Variants in GRIK2 observed in about 807,000 individuals in gnomAD.
GRIK2 encodes glutamate receptor ionotropic, kainate 2.
GRIK2 carries 32 observed loss-of-function variants against 100.3 expected under a neutral mutation model. The ratio of observed to expected loss-of-function variants is 0.32; its 90% CI spans 0.24 to 0.43. GRIK2 has a LOEUF of 0.43. Ranked by LOEUF, GRIK2 falls within the 20% of genes least tolerant of loss-of-function variation. GRIK2 has a pLI of 1.00. For synonymous variants in GRIK2, 417 were observed against 389.4 expected (o/e 1.07, Z -0.83); for missense variants, 843 against 1,114.9 (o/e 0.76, Z 3.47).
chr6:102,061,239 T>C (rs531594748), intron 16 of GRIK2, among the ~76,000 whole-genome samples: 1 of 150,700 alleles, frequency 6.6e-6, no homozygotes, highest in South Asian at 2.1e-4. Flanking sequence ...AATAGCTTAA[T>C]AGATAATTTT....
intron 16 of GRIK2, among the ~76,000 whole-genome samples, chr6:102,057,045 G>T (rs1181660019): frequency 1.3e-5 from 2 of 152,010 alleles, no homozygotes; most frequent in East Asian, 1.9e-4. Context: ...GTGTCAAAAT[G>T]AACTTTGAAA....
intron 14 of GRIK2, among the ~76,000 whole-genome samples, chr6:102,014,785 G>A (rs955344006): frequency 5.9e-5 from 9 of 152,070 alleles, no homozygotes. Context: ...TTATTGTGCT[G>A]TGGTCCCTGA....
chr6:102,060,129 GT>G (rs1456683484), intron 16 of GRIK2, among the ~76,000 whole-genome samples: 1 of 150,550 alleles, frequency 6.6e-6, no homozygotes, highest in Non-Finnish European at 1.5e-5. Flanking sequence ...TGGTATTGTT[GT>G]TTTTTTAGGA....
At chr6:101,641,147 A>T (rs150953820) in intron 4 of GRIK2, among the ~76,000 whole-genome samples, 64 of 152,230 alleles carry the variant, frequency 4.2e-4, no homozygotes, top group African/African-American at 1.5e-3. Context: ...ATAAATTGAG[A>T]TTTAAAACAA....
chr6:101,417,562 A>G (rs1403872643), intron 2 of GRIK2, among the ~76,000 whole-genome samples: 3 of 152,076 alleles, frequency 2.0e-5, no homozygotes, highest in Non-Finnish European at 4.4e-5. Flanking sequence ...TGCATTTTCT[A>G]CTTTGCCTGC....
chr6:101,773,386 A>G (rs887259513), intron 7 of GRIK2, among the ~76,000 whole-genome samples: 1 of 151,466 alleles, frequency 6.6e-6, no homozygotes, highest in Non-Finnish European at 1.5e-5. Context: ...AGGCTCAGGC[A>G]GGAGAATCGC....
intron 2 of GRIK2, among the ~76,000 whole-genome samples, chr6:101,429,426 A>T (rs1316017688): frequency 6.6e-6 from 1 of 152,198 alleles, no homozygotes; most frequent in Non-Finnish European, 1.5e-5. Flanking sequence ...CAGCAGGGTA[A>T]TTCACAGCTG....
At chr6:101,749,620 T>G (rs1776654129) in intron 7 of GRIK2, among the ~76,000 whole-genome samples, 1 of 151,994 alleles carries the variant, frequency 6.6e-6, no homozygotes, top group Admixed American at 6.5e-5. Flanking sequence ...TTTCATAAAT[T>G]TATGCATTTT....
At chr6:101,438,410 C>A (rs1345534855) in intron 2 of GRIK2, among the ~76,000 whole-genome samples, 8 of 151,998 alleles carry the variant, frequency 5.3e-5, no homozygotes, top group African/African-American at 1.9e-4. Flanking sequence ...TGCTTTAATT[C>A]TTTAGATGAA....
intron 2 of GRIK2, among the ~76,000 whole-genome samples, chr6:101,501,431 T>C (rs1300854655): frequency 6.6e-6 from 1 of 152,220 alleles, no homozygotes; most frequent in Non-Finnish European, 1.5e-5. Flanking sequence ...AAATTACTTA[T>C]ACCAGTTATC....
chr6:101,608,849 C>G (rs555090200), intron 2 of GRIK2, among the ~76,000 whole-genome samples: 1 of 149,636 alleles, frequency 6.7e-6, no homozygotes, highest in Admixed American at 6.7e-5. Flanking sequence ...CACTCTCCAC[C>G]CTGAACACAC....
At chr6:101,880,406 T>A (rs1054370839) in intron 11 of GRIK2, among the ~76,000 whole-genome samples, 8 of 152,054 alleles carry the variant, frequency 5.3e-5, no homozygotes, top group African/African-American at 2.4e-5. Context: ...ATATAATTTA[T>A]TGTGTTCTTA....
intron 14 of GRIK2, among the ~76,000 whole-genome samples, chr6:101,963,648 G>C: frequency 6.6e-6 from 1 of 151,118 alleles, no homozygotes; most frequent in Middle Eastern, 3.4e-3. Flanking sequence ...CACCGCGCCC[G>C]GCCACTTATT....
intron 10 of GRIK2, among the ~76,000 whole-genome samples, chr6:101,824,058 T>C (rs1201875889): frequency 6.6e-6 from 1 of 151,238 alleles, no homozygotes; most frequent in Non-Finnish European, 1.5e-5. Flanking sequence ...GTGGAGATGG[T>C]GTTGTATTTT....
At chr6:101,685,052 C>A (rs969115536) in intron 6 of GRIK2, among the ~76,000 whole-genome samples, 1 of 152,088 alleles carries the variant, frequency 6.6e-6, no homozygotes, top group African/African-American at 2.4e-5. Flanking sequence ...ATGTTCTGAG[C>A]CTCATCACAG....
chr6:101,851,432 T>C (rs974404005), intron 10 of GRIK2, among the ~76,000 whole-genome samples: 3 of 152,022 alleles, frequency 2.0e-5, no homozygotes, highest in African/African-American at 7.2e-5. Context: ...CAAGTCAGTT[T>C]CTGTGAAAAA....
At chr6:101,606,021 T>C (rs1779422629) in intron 2 of GRIK2, among the ~76,000 whole-genome samples, 1 of 152,036 alleles carries the variant, frequency 6.6e-6, no homozygotes, top group African/African-American at 2.4e-5. Flanking sequence ...TGATTTTTGC[T>C]GTTCAGTACA....
intron 2 of GRIK2, among the ~76,000 whole-genome samples, chr6:101,608,258 C>G (rs977685152): frequency 4.6e-5 from 7 of 151,812 alleles, no homozygotes; most frequent in African/African-American, 1.4e-4. Flanking sequence ...GCCATATATT[C>G]TGAATATTTT....
chr6:101,694,651 A>G (rs1347602217), intron 7 of GRIK2, among the ~76,000 whole-genome samples: 4 of 152,038 alleles, frequency 2.6e-5, no homozygotes, highest in African/African-American at 9.7e-5. Flanking sequence ...CACTCTCATC[A>G]TAGAAGGAAG....
Sources: allele counts gnomAD v4.1 joint callset (sites outside exome capture counted in the v4.1 genomes callset), GRCh38; gene constraint gnomAD v4.1.1; transcripts MANE v1.5; gene names NCBI Gene and HGNC (gene_info 2026-07-23, HGNC 2026-07-21).